The following GALNTL6 variants were observed in gnomAD, a reference collection of about 807,000 sequenced individuals.
GALNTL6 encodes polypeptide N-acetylgalactosaminyltransferase like 6, also known as polypeptide N-acetylgalactosaminyltransferase-like 6.
A neutral mutation model predicts 73.7 loss-of-function variants in GALNTL6; 46 were observed. The ratio of observed to expected loss-of-function variants is 0.62; its 90% CI spans 0.49 to 0.80. The LOEUF (loss-of-function observed/expected upper bound fraction) is 0.80. Ranked by LOEUF, GALNTL6 falls within the 30% of genes least tolerant of loss-of-function variation. GALNTL6 has a pLI of 0.00. For synonymous variants in GALNTL6, 259 were observed against 263.7 expected (o/e 0.98, Z 0.17); for missense variants, 604 against 755.0 (o/e 0.80, Z 2.34).
chr4:172,614,190 C>G (rs1350753637), intron 5 of GALNTL6, among the ~76,000 whole-genome samples: 1 of 152,028 alleles, frequency 6.6e-6, no homozygotes, highest in Non-Finnish European at 1.5e-5. Flanking sequence ...CTCTCTCAAT[C>G]GCTCTTGTGT....
At chr4:172,255,567 T>A (rs1579304619) in intron 3 of GALNTL6, among the ~76,000 whole-genome samples, 1 of 151,444 alleles carries the variant, frequency 6.6e-6, no homozygotes, top group Non-Finnish European at 1.5e-5. Context: ...TCTTTACTTT[T>A]CTCTTTTGGT....
At chr4:172,314,093 G>A (rs541459473) in intron 4 of GALNTL6, among the ~76,000 whole-genome samples, 6 of 152,278 alleles carry the variant, frequency 3.9e-5, no homozygotes, top group African/African-American at 1.4e-4. Flanking sequence ...AGAGTATGCA[G>A]CTCTGTGTAA....
At chr4:172,388,043 C>T (rs10016863) in intron 5 of GALNTL6, among the ~76,000 whole-genome samples, 32,038 of 152,006 alleles carry the variant, frequency 0.21, 3,691 homozygotes, top group East Asian at 0.36. Flanking sequence ...ATGTTGGATA[C>T]GATCAAAATA....
chr4:172,754,247 C>T (rs1373010268), intron 5 of GALNTL6, among the ~76,000 whole-genome samples: 1 of 152,036 alleles, frequency 6.6e-6, no homozygotes, highest in Non-Finnish European at 1.5e-5. Flanking sequence ...CACATACATA[C>T]ATACAGAAAA....
intron 7 of GALNTL6, among the ~76,000 whole-genome samples, chr4:172,823,708 C>T (rs1742067491): frequency 6.6e-6 from 1 of 152,050 alleles, no homozygotes; most frequent in Admixed American, 6.6e-5. Flanking sequence ...ATGAAGAAGA[C>T]AGCAGAAGGC....
intron 2 of GALNTL6, among the ~76,000 whole-genome samples, chr4:172,162,401 G>A (rs959293711): frequency 2.0e-5 from 3 of 151,890 alleles, no homozygotes; most frequent in African/African-American, 7.2e-5. Context: ...GAGCATTAAT[G>A]TAAGGAGGAT....
chr4:172,590,360 G>C (rs536367066), intron 5 of GALNTL6, among the ~76,000 whole-genome samples: 54 of 151,804 alleles, frequency 3.6e-4, no homozygotes, highest in Admixed American at 5.9e-4. Context: ...ACTTTTATTT[G>C]TTCTGTCTTA....
chr4:172,451,033 G>T (rs1346279059), intron 5 of GALNTL6, among the ~76,000 whole-genome samples: 1 of 152,186 alleles, frequency 6.6e-6, no homozygotes, highest in Non-Finnish European at 1.5e-5. Context: ...CATTCCCAGT[G>T]CCCAGACTCT....
At chr4:171,976,189 C>T (rs973015213) in intron 2 of GALNTL6, among the ~76,000 whole-genome samples, 30 of 152,194 alleles carry the variant, frequency 2.0e-4, no homozygotes, top group African/African-American at 6.8e-4. Context: ...TCCCAAAGTG[C>T]TGGGAATACA....
intron 5 of GALNTL6, among the ~76,000 whole-genome samples, chr4:172,788,290 G>C (rs141112025): frequency 6.6e-6 from 1 of 152,172 alleles, no homozygotes. Flanking sequence ...ATTTGAGCCC[G>C]GGAGTTTAAG....
At chr4:172,226,132 C>T (rs889217687) in intron 2 of GALNTL6, among the ~76,000 whole-genome samples, 1 of 152,190 alleles carries the variant, frequency 6.6e-6, no homozygotes, top group Non-Finnish European at 1.5e-5. Context: ...TTACCCACCT[C>T]CCCTACTTGC....
intron 2 of GALNTL6, among the ~76,000 whole-genome samples, chr4:172,118,620 A>G (rs1733053078): frequency 6.6e-6 from 1 of 152,074 alleles, no homozygotes; most frequent in Admixed American, 6.6e-5. Context: ...GAATTGCTTG[A>G]ACTCTGGAGG....
chr4:172,122,141 G>T (rs1214238829), intron 2 of GALNTL6, among the ~76,000 whole-genome samples: 1 of 150,936 alleles, frequency 6.6e-6, no homozygotes, highest in Non-Finnish European at 1.5e-5. Flanking sequence ...GGCTGAATTC[G>T]AGCAGAGCGT....
intron 3 of GALNTL6, among the ~76,000 whole-genome samples, chr4:172,256,700 T>C (rs1222577407): frequency 2.0e-5 from 3 of 151,466 alleles, no homozygotes; most frequent in African/African-American, 7.2e-5. Context: ...CTATCTGTCC[T>C]ATCTTGTTAT....
chr4:172,324,137 A>G (rs1415617071), intron 4 of GALNTL6, among the ~76,000 whole-genome samples: 1 of 151,944 alleles, frequency 6.6e-6, no homozygotes, highest in Non-Finnish European at 1.5e-5. Context: ...GTCATATTTT[A>G]CATGATGTGT....
chr4:172,379,278 C>G (rs1367290122), intron 5 of GALNTL6, among the ~76,000 whole-genome samples: 2 of 152,110 alleles, frequency 1.3e-5, no homozygotes, highest in African/African-American at 4.8e-5. Context: ...CGCCTGTAAT[C>G]CCAGCACTTT....
At chr4:172,986,120 T>G (rs1323679994) in intron 10 of GALNTL6, among the ~76,000 whole-genome samples, 2 of 152,234 alleles carry the variant, frequency 1.3e-5, no homozygotes, top group African/African-American at 4.8e-5. Flanking sequence ...ATCAGCTGAT[T>G]AGGCCAGATT....
intron 2 of GALNTL6, among the ~76,000 whole-genome samples, chr4:172,152,782 T>C (rs891739940): frequency 7.2e-5 from 11 of 152,004 alleles, no homozygotes; most frequent in Admixed American, 5.2e-4. Flanking sequence ...CTAGCTTTAG[T>C]ATTTTTTTGT....
At chr4:172,486,068 A>G (rs1303527972) in intron 5 of GALNTL6, among the ~76,000 whole-genome samples, 2 of 152,238 alleles carry the variant, frequency 1.3e-5, no homozygotes, top group African/African-American at 4.8e-5. Context: ...TAAACTGCTC[A>G]GAGTACAATG....
Sources: gnomAD v4.1 joint callset for allele counts (sites outside exome capture counted in the v4.1 genomes callset) on GRCh38, gnomAD v4.1.1 for gene constraint, MANE v1.5 for transcripts, NCBI Gene and HGNC (gene_info 2026-07-23, HGNC 2026-07-21) for gene names.